Variants in HENMT1 observed in about 807,000 individuals in gnomAD.
HENMT1 encodes HEN methyltransferase 1, also known as small RNA 2'-O-methyltransferase.
Under a neutral mutation model 31.1 loss-of-function variants are expected in HENMT1, and 27 were observed. The ratio of observed to expected loss-of-function variants is 0.87; its 90% CI spans 0.64 to 1.20. The LOEUF is 1.20. Among genes scored for constraint, HENMT1 ranks in the 50% most tolerant of loss-of-function variants. The pLI, the probability that HENMT1 is intolerant of heterozygous loss-of-function variation, is 0.00. For missense variants in HENMT1, 438 were observed against 469.6 expected, an observed-to-expected ratio of 0.93 and a Z score of 0.62; for synonymous variants, 167 against 172.2, an observed-to-expected ratio of 0.97 and a Z score of 0.24.
chr1:108,649,006 C>T lies in HENMT1; in HGVS notation c.757-15G>A. On this transcript the variant is annotated splice_polypyrimidine_tract_variant and intron_variant, in intron 7 of 7. Coordinates refer to ENST00000651461, the MANE Select transcript of HENMT1 (RefSeq NM_001102592.2). ...GTGGTAAAAACCTGAAGGGAAAAAA[C>T]AAAACACTTACAAGTGTATAATAAT... 6.4e-7 allele frequency: 1 copy of T among 1,552,734 alleles called. No individual in the cohort carries two copies. Among genetic ancestry groups the T allele is most frequent in the Admixed American group, 2.0e-5 (1 of 48,836 alleles).
rs1644720080 is a variant in HENMT1, at chr1:108,648,960, T to A, written c.788A>T (p.Gln263Leu). 1 of 1,608,980 alleles carries A rather than the reference T, an allele frequency of 6.2e-7. No individual in the cohort carries two copies. The highest frequency in any genetic ancestry group is 1.7e-4 in the Middle Eastern group (1 of 6,036). The change falls in exon 8 of 8, where the codon CAG becomes CTG. Residue 263 changes from glutamine (Q) to leucine (L), a missense_variant. Transcript: ENST00000651461. ...VFTTSYPSLQ[Q>L]ERFFKLVLVN... is the part of the protein sequence containing the mutation. Reference sequence around the variant, plus strand: ...CAACACAAGTTTAAAGAACCTTTCCTGCTGTAAGCTTGGGTATGAGGTGGT... The same window carrying A: ...CAACACAAGTTTAAAGAACCTTTCCAGCTGTAAGCTTGGGTATGAGGTGGT...
intron 1 of HENMT1, 71 bp from the exon 2 acceptor site, chr1:108,660,033 G>T: frequency 7.4e-6 from 5 of 678,292 alleles, no homozygotes; most frequent in Non-Finnish European, 8.8e-6. Context: ...CAGAAGGGAA[G>T]AACGAAAGCC....
chr1:108,648,447 T>C lies in HENMT1; in HGVS notation c.*119A>G, dbSNP rs1657938512. On this transcript the variant is annotated 3_prime_UTR_variant, in exon 8 of 8. Coordinates refer to ENST00000651461, the MANE Select transcript of HENMT1 (RefSeq NM_001102592.2). ...CAGGTCTGTCCAATGGCTTGGAACA[T>C]AGACTTTTGCAGTGAAACTTTAAAA... 14 of 862,236 alleles carry C rather than the reference T, an allele frequency of 1.6e-5. No individual in the cohort carries two copies. Among genetic ancestry groups the C allele is most frequent in the Middle Eastern group, 3.5e-4 (1 of 2,884 alleles). The allele number at this position is 862,236 out of a possible 1,614,324, so 53.4% of individuals were successfully genotyped here.
intron 7 of HENMT1, 37 bp downstream of exon 7, chr1:108,650,174 C>T (rs1206150753): frequency 5.0e-6 from 8 of 1,594,964 alleles, no homozygotes; most frequent in East Asian, 2.2e-5. Context: ...CCTAATGTAT[C>T]TCTAGCCCTG....
chr1:108,651,619 TG>T (rs1385239671), intron 5 of HENMT1, among the ~76,000 whole-genome samples: 1 of 150,198 alleles, frequency 6.7e-6, no homozygotes, highest in African/African-American at 2.5e-5. Context: ...CTCTCCAGCC[TG>T]GGTGACAAGC....
intron 1 of HENMT1, among the ~76,000 whole-genome samples, chr1:108,660,424 T>C (rs1387791800): frequency 6.6e-6 from 1 of 152,132 alleles, no homozygotes. Flanking sequence ...ACCCTCAACT[T>C]CAAATTTTTT....
chr1:108,650,374 G>A lies in HENMT1; in HGVS notation c.593C>T (p.Ala198Val). The A allele has an allele frequency of 6.2e-7, 1 of 1,612,834 alleles. No homozygotes were observed. The highest frequency in any genetic ancestry group is 8.5e-7 in the Non-Finnish European group (1 of 1,179,684). The change falls in exon 7 of 8, where the codon GCA becomes GTA. Residue 198 changes from alanine (A) to valine (V), a missense_variant. Coordinates refer to ENST00000651461, the MANE Select transcript of HENMT1 (RefSeq NM_001102592.2). ...CTCCACAGAGTAATCATAGCGATTT[G>A]CCACATATAAAGCCCTGAAACCAAA... is the stretch of plus-strand genomic sequence containing the variant. ...MEFQTWALYV[A>V]NRYDYSVEFT... is the part of the protein sequence containing the mutation.
At chr1:108,661,103 C>A (rs1458778588), upstream of HENMT1, 1 of 615,872 alleles carries the variant, frequency 1.6e-6, no homozygotes, top group Non-Finnish European at 2.0e-6. Flanking sequence ...CGCGCACGCA[C>A]GGCCTCGCTG....
chr1:108,657,533 G>A lies in HENMT1; in HGVS notation c.68C>T (p.Thr23Met), dbSNP rs779992287. 2.0e-5 allele frequency: 32 copies of A among 1,612,660 alleles called. No homozygotes were observed. The highest frequency in any genetic ancestry group is 4.5e-5 in the East Asian group (2 of 44,852). ...DGNFEEVPRE[T>M]AIQFKPPLYR... is the part of the protein sequence containing the mutation. Reference sequence around the variant, plus strand: ...TAGTGGAGGTTTAAACTGAATTGCCGTCTCCCTGGGAACTTCTTCAAAATT... The same window carrying A: ...TAGTGGAGGTTTAAACTGAATTGCCATCTCCCTGGGAACTTCTTCAAAATT... The change falls in exon 3 of 8, where the codon ACG becomes ATG. Residue 23 changes from threonine to methionine, a missense_variant. By Grantham distance (81) the Thr-to-Met change is moderately conservative. Coordinates refer to ENST00000651461, the MANE Select transcript of HENMT1 (RefSeq NM_001102592.2).
chr1:108,651,259 C>G (rs756999645), intron 5 of HENMT1, 50 bp from the exon 6 acceptor site: 10 of 1,448,252 alleles, frequency 6.9e-6, no homozygotes, highest in Admixed American at 4.0e-5. Context: ...TCACTTGCAC[C>G]TATTTTTCTA....
At chr1:108,654,950 A>G in intron 4 of HENMT1, 100 bp from the exon 5 acceptor site, 9 of 1,213,902 alleles carry the variant, frequency 7.4e-6, no homozygotes, top group Non-Finnish European at 1.1e-5. Flanking sequence ...TTCTACCTCT[A>G]TTGATATAAG....
chr1:108,654,475 G>A (rs1004125075), intron 5 of HENMT1, among the ~76,000 whole-genome samples: 1 of 152,128 alleles, frequency 6.6e-6, no homozygotes, highest in African/African-American at 2.4e-5. Context: ...AAAGTGAGAT[G>A]TTAACATCTG....
intron 2 of HENMT1, among the ~76,000 whole-genome samples, chr1:108,657,802 G>A (rs1371142819): frequency 1.3e-5 from 2 of 152,042 alleles, no homozygotes; most frequent in Non-Finnish European, 2.9e-5. Flanking sequence ...CTAGCTGTAT[G>A]CTCCCTATAG....
At chr1:108,659,830 G>C (rs369667989) in intron 2 of HENMT1, 34 bp downstream of exon 2, 2 of 1,294,070 alleles carry the variant, frequency 1.5e-6, no homozygotes, top group South Asian at 1.2e-5. Flanking sequence ...TAATTCTTAA[G>C]AGTCAAAGAC....
At chr1:108,655,166 C>A (rs1054991996) in intron 4 of HENMT1, among the ~76,000 whole-genome samples, 4 of 152,116 alleles carry the variant, frequency 2.6e-5, no homozygotes, top group African/African-American at 9.7e-5. Flanking sequence ...AAAGAATATT[C>A]TTGAAGCAAT....
At chr1:108,658,565 G>A (rs1426846543) in intron 2 of HENMT1, among the ~76,000 whole-genome samples, 1 of 152,144 alleles carries the variant, frequency 6.6e-6, no homozygotes, top group Non-Finnish European at 1.5e-5. Flanking sequence ...CAACACACCA[G>A]CAAAAGACTC....
chr1:108,659,452 G>A (rs1208386140), intron 2 of HENMT1, among the ~76,000 whole-genome samples: 5 of 152,020 alleles, frequency 3.3e-5, no homozygotes, highest in Non-Finnish European at 4.4e-5. Context: ...TGGACAGCAG[G>A]GAGCTACACC....
At chr1:108,660,685 G>GT (rs1658429314) in intron 1 of HENMT1, among the ~76,000 whole-genome samples, 2 of 152,122 alleles carry the variant, frequency 1.3e-5, no homozygotes, top group Non-Finnish European at 2.9e-5. Flanking sequence ...AGCACTTTGG[G>GT]AGGCCGAGGC....
chr1:108,650,635 G>A (rs1570631486), intron 6 of HENMT1, among the ~76,000 whole-genome samples: 2 of 152,164 alleles, frequency 1.3e-5, no homozygotes, highest in African/African-American at 4.8e-5. Flanking sequence ...AGGGTGTAGG[G>A]GTGGACAAGG....
Sources: allele counts gnomAD v4.1 joint callset (sites outside exome capture counted in the v4.1 genomes callset), GRCh38; gene constraint gnomAD v4.1.1; transcripts MANE v1.5; gene names NCBI Gene and HGNC (gene_info 2026-07-23, HGNC 2026-07-21).